ESPN: variants seen among roughly 807,000 people sequenced by gnomAD.
ESPN encodes espin, also known as autosomal recessive deafness type 36 protein.
In ESPN, 68 loss-of-function variants were observed where a neutral mutation model predicts 77.7. The ratio of observed to expected loss-of-function variants is 0.87; its 90% CI spans 0.72 to 1.07. ESPN has a LOEUF of 1.07. Ranked by LOEUF, ESPN falls within the 50% of genes least tolerant of loss-of-function variation. ESPN has a pLI of 0.00. For missense variants in ESPN, 1,060 were observed against 1,239.0 expected, an observed-to-expected ratio of 0.86 and a Z score of 2.17; for synonymous variants, 449 against 567.1, an observed-to-expected ratio of 0.79 and a Z score of 2.96.
rs1311440134 is a variant in ESPN, at chr1:6,460,038, G to C, written c.2457G>C (p.Arg819=). Residue 819 remains arginine (R), a synonymous_variant, in exon 13 of 13, where the codon CGG becomes CGC. Transcript: ENST00000645284. The stretch of plus-strand genomic sequence containing the variant: ...GACAGAAGCAGGAGGAGCTGCGGCG[G>C]GAGAAGGAACAGTCAGAGAAGCTGC... ...EERQKQEELR[R]EKEQSEKLRT... 2.5e-6 allele frequency: 4 copies of C among 1,613,492 alleles called. No homozygotes were observed. The highest frequency in any genetic ancestry group is 3.4e-6 in the Non-Finnish European group (4 of 1,180,042).
At chr1:6,444,046 G>A (rs1643738889) in intron 5 of ESPN, among the ~76,000 whole-genome samples, 1 of 152,232 alleles carries the variant, frequency 6.6e-6, no homozygotes, top group African/African-American at 2.4e-5. Flanking sequence ...GCTGGTGTTG[G>A]GAGTCTGCCC....
At position 6,427,262 on chromosome 1, in the gene ESPN, G is replaced by A. The variant is rs982742419; in HGVS notation, c.295-964G>A. 2.6e-5 allele frequency among the ~76,000 whole-genome samples: 4 copies of A among 152,076 alleles called. No homozygotes were observed. The highest frequency in any genetic ancestry group is 5.9e-5 in the Non-Finnish European group (4 of 68,014). ...CACCCCTCTGTCATCCTATGTGCTT[G>A]GTGCTGGGAGGTGGTTCTGTTCCCG... On this transcript the variant is annotated intron_variant, in intron 1 of 12. Transcript: ENST00000645284. The surrounding 1 kb of genome is among the most constrained non-coding windows in gnomAD (Gnocchi z 4.6).
At chr1:6,453,191 G>A (rs1569736094) in intron 10 of ESPN, among the ~76,000 whole-genome samples, 2 of 152,348 alleles carry the variant, frequency 1.3e-5, no homozygotes, top group South Asian at 2.1e-4. Context: ...ACCACGCCTG[G>A]CCCCCGAGTG....
rs1398958189 is a variant in ESPN, at chr1:6,447,618, A to G, written c.1465-1023A>G. 6.6e-6 allele frequency among the ~76,000 whole-genome samples: 1 copy of G among 152,100 alleles called. No individual in the cohort carries two copies. The highest frequency in any genetic ancestry group is 1.9e-4 in the East Asian group (1 of 5,178). On this transcript the variant is annotated intron_variant, in intron 7 of 12. Coordinates refer to ENST00000645284, the MANE Select transcript of ESPN (RefSeq NM_031475.3). The surrounding 1 kb of genome is among the most constrained non-coding windows in gnomAD (Gnocchi z 5.2). ...TGGGGGCAGCTGCGATGGGGTGGGA[A>G]GCCACGCTGTCACCCGACCCCGCCT... is the stretch of plus-strand genomic sequence containing the variant.
rs201919218 is a variant in ESPN at position 6,445,953 on chromosome 1, C to T, written c.1464+18C>T. 6 of 1,612,068 alleles carry T rather than the reference C, an allele frequency of 3.7e-6. No homozygotes were observed. In the African/African-American group the frequency reaches 5.3e-5, roughly 14 times the overall value. ...AGAAGGAGGTAGTGAGCCCTCACCC[C>T]CTGCCTGCCTCCCAGCAGGGGGACT... On this transcript the variant is annotated intron_variant, in intron 7 of 12. Coordinates refer to ENST00000645284, the MANE Select transcript of ESPN (RefSeq NM_031475.3).
At chr1:6,458,888 G>A (rs1362966052) in intron 12 of ESPN, among the ~76,000 whole-genome samples, 5 of 147,680 alleles carry the variant, frequency 3.4e-5, no homozygotes, top group East Asian at 4.1e-4. Context: ...CCAGGATCAC[G>A]CCGTTTTGTA....
chr1:6,425,133 G>C lies in ESPN; in HGVS notation c.178G>C (p.Ala60Pro). ...TCTGCGCTTCCTGGTGGAGGAAGCC[G>C]CCCTCCCCGCCGCGGCCCGCGCCCG... ...HCLRFLVEEAALPAAARARNG... is the reference protein window; with the variant it reads ...HCLRFLVEEAPLPAAARARNG... Residue 60 changes from alanine (A) to proline (P), a missense_variant, in exon 1 of 13, where the codon GCC becomes CCC. By Grantham distance (27) the Ala-to-Pro change is conservative. Around this residue, in one of 3 missense-constraint regions of ESPN, gnomAD observed 556 missense variants for 633.6 expected, o/e 0.88. Coordinates refer to ENST00000645284, the MANE Select transcript of ESPN (RefSeq NM_031475.3). 1 of 1,507,972 alleles carries C rather than the reference G, an allele frequency of 6.6e-7. No homozygotes were observed. The highest frequency in any genetic ancestry group is 8.8e-7 in the Non-Finnish European group (1 of 1,136,494). 93.4% of individuals were successfully genotyped at this position (1,507,972 alleles called of 1,614,324 possible). A position where few individuals can be genotyped will look rare whatever the true frequency, so the allele number is the denominator to read the frequency against.
In ESPN at chr1:6,452,113, G is replaced by C. The variant is rs1310330578; in HGVS notation, c.2325+17G>C. 6.5e-7 allele frequency: 1 copy of C among 1,527,516 alleles called. No individual in the cohort carries two copies. Among genetic ancestry groups the C allele is most frequent in the Non-Finnish European group, 8.8e-7 (1 of 1,138,640 alleles). 94.6% of individuals were successfully genotyped at this position (1,527,516 alleles called of 1,614,324 possible). A position where few individuals can be genotyped will look rare whatever the true frequency, so the allele number is the denominator to read the frequency against. ...AGGCGGAAGGTGGGTGGGGCGGGGT[G>C]CCCAGGGAGCCCTGGGGTCTGCATC... On this transcript the variant is annotated intron_variant, in intron 10 of 12. Coordinates refer to ENST00000645284, the MANE Select transcript of ESPN (RefSeq NM_031475.3).
chr1:6,448,834 G>T lies in ESPN; in HGVS notation c.1658G>T (p.Cys553Phe). Residue 553 changes from cysteine to phenylalanine, a missense_variant, in exon 8 of 13, where the codon TGC becomes TTC. By Grantham distance (205) the Cys-to-Phe change is radical. Transcript: ENST00000645284. ...GCCCGCCAGCCCGCGCGCGCCGGCTGCCCGCGCCTCGGCCCTGCCGCCCGC... is the reference window on the plus strand; with the variant it reads ...GCCCGCCAGCCCGCGCGCGCCGGCTTCCCGCGCCTCGGCCCTGCCGCCCGC... The part of the protein sequence containing the change: ...VRARQPARAG[C>F]PRLGPAARGS... 1 of 1,237,772 alleles carries T rather than the reference G, an allele frequency of 8.1e-7. No homozygotes were observed. The highest frequency in any genetic ancestry group is 1.0e-6 in the Non-Finnish European group (1 of 994,602). 76.7% of individuals were successfully genotyped at this position (1,237,772 alleles called of 1,614,324 possible).
In ESPN at chr1:6,460,855, G is replaced by T; in HGVS notation, c.*709G>T. 1 of 300,866 alleles carries T rather than the reference G, an allele frequency of 3.3e-6. No homozygotes were observed. The highest frequency in any genetic ancestry group is 6.5e-6 in the Non-Finnish European group (1 of 153,350). The allele number at this position is 300,866 out of a possible 1,614,324, so 18.6% of individuals were successfully genotyped here. ...ATAGAGGATGAGGGGCCCTGACCCT[G>T]TGTCTCCAACTGCTGCACCCCATCC... On this transcript the variant is annotated 3_prime_UTR_variant, in exon 13 of 13. Transcript: ENST00000645284.
intron 10 of ESPN, chr1:6,455,156 G>A (rs1436144726): frequency 5.1e-6 from 2 of 388,494 alleles, no homozygotes; most frequent in East Asian, 3.7e-5. Flanking sequence ...TGGGCACCCT[G>A]GGCCCGCCCG....
intron 2 of ESPN, among the ~76,000 whole-genome samples, chr1:6,439,710 C>A (rs896960370): frequency 2.0e-5 from 3 of 151,502 alleles, no homozygotes; most frequent in Non-Finnish European, 2.9e-5. Flanking sequence ...TCTTTGTAGA[C>A]CTCGGTTAAA....
rs1455345129 is a variant in ESPN, at chr1:6,451,711, C to T, written c.2024C>T (p.Thr675Ile). Residue 675 changes from threonine to isoleucine, a missense_variant, in exon 9 of 13, where the codon ACC (threonine) becomes ATC (isoleucine). Thr to Ile is a moderately conservative substitution (Grantham distance 89, BLOSUM62 -1). Coordinates refer to ENST00000645284, the MANE Select transcript of ESPN (RefSeq NM_031475.3). This position sits in a 1 kb window ranked among gnomAD's most constrained non-coding sequence, Gnocchi z 4.3. Reference protein sequence around the residue: ...LKPTPQSKGLTTVFSGIGQPA... With the variant: ...LKPTPQSKGLITVFSGIGQPA... The stretch of plus-strand genomic sequence containing the variant: ...CCGACGCCCCAGAGCAAGGGGCTGA[C>T]CACAGTGTTCTCAGGCATCGGGCAG... The T allele has an allele frequency of 6.2e-7, 1 of 1,612,864 alleles. No individual in the cohort carries two copies. Among genetic ancestry groups the T allele is most frequent in the Non-Finnish European group, 8.5e-7 (1 of 1,179,906 alleles).
At position 6,460,150 on chromosome 1, in the gene ESPN, C is replaced by T. The variant is rs376659285; in HGVS notation, c.*4C>T. 1.3e-5 allele frequency: 21 copies of T among 1,610,124 alleles called. No homozygotes were observed. In the Admixed American group the frequency reaches 1.3e-4, roughly 10 times the overall value. ...GGGGGACATCGCTAAGTACTAGAGGCCGCAGACTCCTGTCCGCAGCCTCGC... is the reference window on the plus strand; with the variant it reads ...GGGGGACATCGCTAAGTACTAGAGGTCGCAGACTCCTGTCCGCAGCCTCGC... On this transcript the variant is annotated 3_prime_UTR_variant, in exon 13 of 13. Coordinates refer to ENST00000645284, the MANE Select transcript of ESPN (RefSeq NM_031475.3).
intron 10 of ESPN, chr1:6,455,618 G>C: frequency 2.5e-6 from 1 of 399,298 alleles, no homozygotes; most frequent in Non-Finnish European, 4.4e-6. Flanking sequence ...GCGCACCCCC[G>C]CACTACGACA....
At position 6,447,164 on chromosome 1, in the gene ESPN, TCC is replaced by T. The variant is rs1557709847; in HGVS notation, c.1464+1230_1464+1231del. ...GCCCCCTCCCGGCTGTGTGCGTCCC[TCC>T]GGGCTGTGTGCGCCCCTCCCGGCTG... On this transcript the variant is annotated intron_variant, in intron 7 of 12. Transcript: ENST00000645284. This position sits in a 1 kb window ranked among gnomAD's most constrained non-coding sequence, Gnocchi z 5.2. 1.3e-5 allele frequency among the ~76,000 whole-genome samples: 2 copies of T among 150,616 alleles called. No homozygotes were observed. The highest frequency in any genetic ancestry group is 2.5e-5 in the African/African-American group (1 of 40,286).
At chr1:6,454,629 C>T (rs1644016204) in intron 10 of ESPN, 3 of 398,940 alleles carry the variant, frequency 7.5e-6, no homozygotes, top group Non-Finnish European at 1.3e-5. Flanking sequence ...GGAGCTGGAG[C>T]TGGAGCAGCT....
chr1:6,459,420 CTT>C (rs1644115460), intron 12 of ESPN, among the ~76,000 whole-genome samples: 1 of 152,124 alleles, frequency 6.6e-6, no homozygotes, highest in South Asian at 2.1e-4. Context: ...AATAATAAAA[CTT>C]AGTCTTTGAA....
At chr1:6,442,867 CAAA>C (rs35404098) in intron 5 of ESPN, among the ~76,000 whole-genome samples, 15 of 51,188 alleles carry the variant, frequency 2.9e-4, no homozygotes, top group Admixed American at 7.2e-4. Context: ...GACGCTGTCT[CAAA>C]AAAAAAAAAA....
Sources: allele counts gnomAD v4.1 joint callset (sites outside exome capture counted in the v4.1 genomes callset), GRCh38; gene constraint gnomAD v4.1.1; regional missense constraint gnomAD v4.1.1; non-coding constraint Gnocchi (gnomAD v3.1); transcripts MANE v1.5; gene names NCBI Gene and HGNC (gene_info 2026-07-23, HGNC 2026-07-21).